CCDC66: variants seen among roughly 807,000 people sequenced by gnomAD.
CCDC66 encodes the protein coiled-coil domain-containing protein 66.
Under a neutral mutation model 128.3 loss-of-function variants are expected in CCDC66, and 133 were observed. That is an observed-to-expected ratio of 1.04 (90% confidence interval 0.90 to 1.20). CCDC66 has a LOEUF of 1.20. Ranked by LOEUF, CCDC66 falls within the 50% of genes most tolerant of loss-of-function variation. The pLI is 0.00. For missense variants in CCDC66, 1,126 were observed against 1,075.5 expected (o/e 1.05, Z -0.66); for synonymous variants, 387 against 357.0 (o/e 1.08, Z -0.95).
intron 10 of CCDC66, among the ~76,000 whole-genome samples, chr3:56,608,906 G>T (rs898902221): frequency 3.3e-5 from 5 of 152,128 alleles, no homozygotes; most frequent in African/African-American, 4.8e-5. Flanking sequence ...CCATGTATTT[G>T]TGTGGTTTTG....
At chr3:56,607,555 C>T (rs527320275) in intron 10 of CCDC66, among the ~76,000 whole-genome samples, 4 of 152,116 alleles carry the variant, frequency 2.6e-5, no homozygotes, top group African/African-American at 9.6e-5. Flanking sequence ...CTTACAGACT[C>T]CTAAGGTAAA....
chr3:56,604,094 G>T (rs1236872017), intron 10 of CCDC66, among the ~76,000 whole-genome samples: 1 of 151,918 alleles, frequency 6.6e-6, no homozygotes, highest in East Asian at 1.9e-4. Flanking sequence ...TTTTATCAGA[G>T]ACTAGGATTG....
chr3:56,569,392 A>G, intron 6 of CCDC66: 1 of 294,950 alleles, frequency 3.4e-6, no homozygotes. Flanking sequence ...TCACGGTGGA[A>G]GGCAAAGGGG....
At position 56,617,581 on chromosome 3, in the gene CCDC66, G is replaced by A. The variant is rs754954817; in HGVS notation, c.2313G>A (p.Lys771=). The A allele has an allele frequency of 1.7e-5, 28 of 1,604,566 alleles. No individual in the cohort carries two copies. Among genetic ancestry groups the A allele is most frequent in the Non-Finnish European group, 2.3e-5 (27 of 1,177,472 alleles). ...CATCTCATCAAGAAACGGAGTCAAA[G>A]TTGAGGTGGCATCTAGTCAAAAAGG... The part of the protein sequence containing the change: ...FHSSHQETES[K]LRWHLVKKEE... Residue 771 remains lysine (K), a synonymous_variant, in exon 14 of 18, where the codon AAG becomes AAA. Transcript: ENST00000394672.
At chr3:56,591,256 G>C (rs2106904669) in intron 7 of CCDC66, among the ~76,000 whole-genome samples, 1 of 152,326 alleles carries the variant, frequency 6.6e-6, no homozygotes, top group South Asian at 2.1e-4. Flanking sequence ...TTAGGGTTAT[G>C]AATATAGATA....
At position 56,619,368 on chromosome 3, in the gene CCDC66, A is replaced by T. The variant is rs778335276; in HGVS notation, c.2476A>T (p.Asn826Tyr). Residue 826 changes from asparagine to tyrosine, a missense_variant, in exon 16 of 18, where the codon AAT becomes TAT. Transcript: ENST00000394672. Reference protein sequence around the residue: ...PLKNSSYERENLISGSNQTEL... With the variant: ...PLKNSSYEREYLISGSNQTEL... Reference sequence around the variant, plus strand: ...AAAAAACAGTAGCTATGAGAGAGAGAATTTGATCTCAGGAAGTAATCAAAC... The same window carrying T: ...AAAAAACAGTAGCTATGAGAGAGAGTATTTGATCTCAGGAAGTAATCAAAC... The T allele has an allele frequency of 1.9e-6, 3 of 1,613,914 alleles. No homozygotes were observed. The South Asian group carries it at 3.3e-5, about 18-fold the overall frequency.
chr3:56,584,845 C>T (rs894130877), intron 7 of CCDC66, among the ~76,000 whole-genome samples: 1 of 151,958 alleles, frequency 6.6e-6, no homozygotes, highest in Non-Finnish European at 1.5e-5. Context: ...ATCCCAGCAC[C>T]TCGGGAGGCC....
chr3:56,569,348 C>T (rs564776481), intron 6 of CCDC66: 2 of 345,050 alleles, frequency 5.8e-6, no homozygotes, highest in South Asian at 2.3e-5. Context: ...CCAGCATCTC[C>T]TCGGCTTCTG....
In CCDC66 at chr3:56,593,427, C is replaced by T. The variant is rs536088703; in HGVS notation, c.1069-64C>T. 2.0e-4 allele frequency: 310 copies of T among 1,546,384 alleles called. 1 individual carries two copies. In the South Asian group the frequency reaches 3.5e-3, roughly 17 times the overall value. On this transcript the variant is annotated intron_variant, in intron 8 of 17. Coordinates refer to ENST00000394672, the MANE Select transcript of CCDC66 (RefSeq NM_001141947.3). ...ACTTTTAGAAATCATCTTTGGTTGT[C>T]ATTTAGAATTATATATGAGAATAAT...
In CCDC66 at chr3:56,617,395, TA is replaced by T. The variant is rs1303808054; in HGVS notation, c.2131del (p.Arg711GlyfsTer22). The T allele has an allele frequency of 6.2e-7, 1 of 1,613,792 alleles. No homozygotes were observed. Among genetic ancestry groups the T allele is most frequent in the East Asian group, 2.2e-5 (1 of 44,862 alleles). On this transcript the variant is annotated frameshift_variant, in exon 14 of 18. Transcript: ENST00000394672. LOFTEE classifies it high-confidence loss of function. ...CTGATTGGAATATAAATAAGCCACC[TA>T]AAAGGTATATTCCAGCATCAGAAAA... ...RPDWNINKPP[K>X]RYIPASEKYP...
rs2065900674 is a variant in CCDC66, at chr3:56,566,659, T to C, written c.610T>C (p.Phe204Leu). 1 of 1,607,982 alleles carries C rather than the reference T, an allele frequency of 6.2e-7. No homozygotes were observed. The highest frequency in any genetic ancestry group is 8.5e-7 in the Non-Finnish European group (1 of 1,174,490). ...AAAGGATGAGAACATTATGGGATTA[T>C]TCAAAAAAACTGAAATGGTTTCATC... Reference protein sequence around the residue: ...QPKDENIMGLFKKTEMVSSVP... With the variant: ...QPKDENIMGLLKKTEMVSSVP... The change falls in exon 5 of 18, where the codon TTC becomes CTC. Residue 204 changes from phenylalanine (F) to leucine (L), a missense_variant. Transcript: ENST00000394672.
intron 10 of CCDC66, among the ~76,000 whole-genome samples, chr3:56,605,188 C>G (rs944138043): frequency 6.6e-6 from 1 of 151,944 alleles, no homozygotes; most frequent in East Asian, 1.9e-4. Context: ...TTTCAAGGTT[C>G]TTAGCTTCCT....
intron 10 of CCDC66, 93 bp downstream of exon 10, chr3:56,594,121 A>G: frequency 1.8e-6 from 2 of 1,140,818 alleles, no homozygotes; most frequent in Admixed American, 3.5e-5. Flanking sequence ...TTCTGATGTA[A>G]ACTTTACAGC....
At position 56,566,537 on chromosome 3, in the gene CCDC66, A is replaced by G. The variant is rs1398377114; in HGVS notation, c.545-57A>G. ...GTAAGAACTGTATAGCACTATGCCA[A>G]GTATTATAACAGATGTAATTTAGTG... On this transcript the variant is annotated intron_variant, in intron 4 of 17. Coordinates refer to ENST00000394672, the MANE Select transcript of CCDC66 (RefSeq NM_001141947.3). 2.1e-5 allele frequency: 24 copies of G among 1,147,384 alleles called. No homozygotes were observed. The Admixed American group carries it at 3.9e-4, about 19-fold the overall frequency. The allele number at this position is 1,147,384 out of a possible 1,614,324, so 71.1% of individuals were successfully genotyped here.
At chr3:56,564,214 CTCTT>C in intron 4 of CCDC66, 89 bp downstream of exon 4, 1 of 912,174 alleles carries the variant, frequency 1.1e-6, no homozygotes, top group Non-Finnish European at 1.6e-6. Context: ...GTAACTGTGA[CTCTT>C]AAACTCTAAT....
chr3:56,614,348 C>G (rs1030546999), intron 11 of CCDC66, among the ~76,000 whole-genome samples: 4 of 152,066 alleles, frequency 2.6e-5, no homozygotes, highest in Non-Finnish European at 5.9e-5. Flanking sequence ...TGCTTCATTT[C>G]TAAGCAATAA....
At chr3:56,600,921 T>G (rs2073048959) in intron 10 of CCDC66, among the ~76,000 whole-genome samples, 1 of 152,142 alleles carries the variant, frequency 6.6e-6, no homozygotes. Flanking sequence ...TCTGCCATTC[T>G]GTGGGTTGCC....
rs2107397073 is a variant in CCDC66 at position 56,617,210 on chromosome 3, G to A, written c.1942G>A (p.Glu648Lys). ...TTGTTCATCTCCTGAGATTTCGGCA[G>A]AACTTATTGGACAGTTTAGCACCAA... is the stretch of plus-strand genomic sequence containing the variant. ...TNCSSPEISA[E>K]LIGQFSTKKN... Residue 648 changes from glutamate (E) to lysine (K), a missense_variant, in exon 14 of 18, where the codon GAA becomes AAA. Coordinates refer to ENST00000394672, the MANE Select transcript of CCDC66 (RefSeq NM_001141947.3). The A allele has an allele frequency of 1.2e-6, 2 of 1,613,670 alleles. No homozygotes were observed. The highest frequency in any genetic ancestry group is 8.5e-7 in the Non-Finnish European group (1 of 1,179,900).
rs1193829355 is a variant in CCDC66 at position 56,621,639 on chromosome 3, C to G, written c.*21C>G. ...TTTAAATGTAGAAAATCAAATCCTT[C>G]ACATTTGATTTGTGTCTTCCAAATT... is the stretch of plus-strand genomic sequence containing the variant. On this transcript the variant is annotated 3_prime_UTR_variant, in exon 18 of 18. Transcript: ENST00000394672. 4.6e-6 allele frequency: 7 copies of G among 1,511,826 alleles called. No homozygotes were observed. The highest frequency in any genetic ancestry group is 6.4e-6 in the Non-Finnish European group (7 of 1,097,888). 93.7% of individuals were successfully genotyped at this position (1,511,826 alleles called of 1,614,324 possible).
Sources: gnomAD v4.1 joint callset for allele counts (sites outside exome capture counted in the v4.1 genomes callset) on GRCh38, gnomAD v4.1.1 for gene constraint, MANE v1.5 for transcripts, NCBI Gene and HGNC (gene_info 2026-07-23, HGNC 2026-07-21) for gene names.